The following CSNK1G1 variants were observed in gnomAD, a reference collection of about 807,000 sequenced individuals.
CSNK1G1 encodes casein kinase I isoform gamma-1.
A neutral mutation model predicts 59.6 loss-of-function variants in CSNK1G1; 22 were observed. The observed-to-expected ratio is 0.37, with a 90% CI of 0.26 to 0.53. The LOEUF is 0.53. Among genes scored for constraint, CSNK1G1 ranks in the 20% least tolerant of loss-of-function variants. The pLI is 0.89. For missense variants in CSNK1G1, 384 were observed against 519.5 expected (o/e 0.74, Z 2.54); for synonymous variants, 179 against 177.1 (o/e 1.01, Z -0.08).
intron 1 of CSNK1G1, among the ~76,000 whole-genome samples, chr15:64,353,154 C>G (rs542618807): frequency 6.6e-6 from 1 of 152,206 alleles, no homozygotes; most frequent in Admixed American, 6.5e-5. Flanking sequence ...CAAAAAAGGT[C>G]AAACTGAATT....
intron 3 of CSNK1G1, among the ~76,000 whole-genome samples, chr15:64,251,811 T>A (rs887736216): frequency 2.6e-5 from 4 of 152,232 alleles, no homozygotes; most frequent in African/African-American, 9.6e-5. Flanking sequence ...AGACTTTGCA[T>A]GAGCTATCAT....
At chr15:64,260,361 G>T (rs975007585) in intron 2 of CSNK1G1, among the ~76,000 whole-genome samples, 15 of 151,722 alleles carry the variant, frequency 9.9e-5, no homozygotes, top group African/African-American at 3.4e-4. Flanking sequence ...ATACATAGCG[G>T]AATATATGTG....
intron 5 of CSNK1G1, among the ~76,000 whole-genome samples, chr15:64,215,190 A>G (rs1463510962): frequency 6.7e-6 from 1 of 150,024 alleles, no homozygotes; most frequent in Non-Finnish European, 1.5e-5. Context: ...CTATCTACTA[A>G]GCTTTTCTAC....
chr15:64,217,562 G>GT (rs941331326), intron 4 of CSNK1G1, among the ~76,000 whole-genome samples: 5 of 152,310 alleles, frequency 3.3e-5, no homozygotes, highest in Non-Finnish European at 5.9e-5. Context: ...GCTCATGCCT[G>GT]TAAGTCCAGC....
At chr15:64,218,671 G>C (rs905083424) in intron 4 of CSNK1G1, among the ~76,000 whole-genome samples, 1 of 151,820 alleles carries the variant, frequency 6.6e-6, no homozygotes, top group African/African-American at 2.4e-5. Context: ...TTACAGGCGA[G>C]AGCTACCATG....
intron 4 of CSNK1G1, among the ~76,000 whole-genome samples, chr15:64,229,421 A>C (rs1325748332): frequency 6.6e-6 from 1 of 152,206 alleles, no homozygotes; most frequent in Non-Finnish European, 1.5e-5. Flanking sequence ...TGCCTGGGAA[A>C]ACTGGCTCAG....
At chr15:64,338,871 G>A (rs914795385) in intron 1 of CSNK1G1, among the ~76,000 whole-genome samples, 1 of 151,878 alleles carries the variant, frequency 6.6e-6, no homozygotes, top group African/African-American at 2.4e-5. Flanking sequence ...TACAAAATTA[G>A]CCAAGGATGG....
chr15:64,324,061 C>T (rs373129660), intron 1 of CSNK1G1, among the ~76,000 whole-genome samples: 4 of 152,134 alleles, frequency 2.6e-5, no homozygotes, highest in Non-Finnish European at 5.9e-5. Context: ...AAGTAAGATG[C>T]GTAACAAAAC....
At chr15:64,247,453 T>A (rs1891819464) in intron 4 of CSNK1G1, among the ~76,000 whole-genome samples, 1 of 152,200 alleles carries the variant, frequency 6.6e-6, no homozygotes, top group African/African-American at 2.4e-5. Flanking sequence ...TCCCTGATTA[T>A]CTTGGAGATA....
At chr15:64,323,442 T>A (rs1033739712) in intron 1 of CSNK1G1, among the ~76,000 whole-genome samples, 4 of 152,110 alleles carry the variant, frequency 2.6e-5, no homozygotes, top group Non-Finnish European at 5.9e-5. Context: ...CTCGGCTCAC[T>A]GCAACCTCTG....
At chr15:64,350,229 C>A (rs990779230) in intron 1 of CSNK1G1, among the ~76,000 whole-genome samples, 2 of 151,974 alleles carry the variant, frequency 1.3e-5, no homozygotes, top group Non-Finnish European at 2.9e-5. Flanking sequence ...CGCGGTGGCT[C>A]ACACCTGTAA....
intron 1 of CSNK1G1, among the ~76,000 whole-genome samples, chr15:64,338,025 A>G (rs1029377166): frequency 1.3e-5 from 2 of 152,222 alleles, no homozygotes; most frequent in Non-Finnish European, 2.9e-5. Flanking sequence ...ATCTGTCAAC[A>G]GGCGCTTGGT....
At chr15:64,349,371 C>T (rs1016117212) in intron 1 of CSNK1G1, among the ~76,000 whole-genome samples, 3 of 152,034 alleles carry the variant, frequency 2.0e-5, no homozygotes, top group South Asian at 2.1e-4. Flanking sequence ...CCTCTTCACC[C>T]GACATCTCTG....
At chr15:64,257,640 A>G (rs1015083052) in intron 3 of CSNK1G1, among the ~76,000 whole-genome samples, 8 of 152,074 alleles carry the variant, frequency 5.3e-5, no homozygotes, top group Non-Finnish European at 1.0e-4. Flanking sequence ...CTTCCACATC[A>G]GCCTCCAAAG....
intron 1 of CSNK1G1, among the ~76,000 whole-genome samples, chr15:64,316,096 A>C (rs1896247610): frequency 1.3e-5 from 2 of 152,118 alleles, no homozygotes; most frequent in South Asian, 2.1e-4. Context: ...GCATGGTCAG[A>C]GCTCATGGCA....
chr15:64,309,910 T>G (rs1895900204), intron 1 of CSNK1G1, among the ~76,000 whole-genome samples: 1 of 152,010 alleles, frequency 6.6e-6, no homozygotes, highest in Non-Finnish European at 1.5e-5. Context: ...AAGAATTCAA[T>G]ACCAGCTTGG....
At chr15:64,310,694 G>A (rs114920553) in intron 1 of CSNK1G1, among the ~76,000 whole-genome samples, 1,888 of 152,070 alleles carry the variant, frequency 0.012, 29 homozygotes, top group African/African-American at 0.044. Flanking sequence ...GGGTGACAGA[G>A]AAACACTCTG....
chr15:64,290,330 TACACACACACATTTTACACAC>T (rs1894668727), intron 2 of CSNK1G1, among the ~76,000 whole-genome samples: 1 of 149,982 alleles, frequency 6.7e-6, no homozygotes, highest in African/African-American at 2.5e-5. Flanking sequence ...CACATACACA[TACACACACACATTTTACACAC>T]ACACACACAC....
At chr15:64,352,523 G>A (rs554191854) in intron 1 of CSNK1G1, among the ~76,000 whole-genome samples, 1 of 118,060 alleles carries the variant, frequency 8.5e-6, no homozygotes, top group South Asian at 3.0e-4. Context: ...TTGGCTCACC[G>A]CAACCTCCAC....
Sources: allele counts gnomAD v4.1 joint callset (sites outside exome capture counted in the v4.1 genomes callset), GRCh38; gene constraint gnomAD v4.1.1; transcripts MANE v1.5; gene names NCBI Gene and HGNC (gene_info 2026-07-23, HGNC 2026-07-21).